Variants in CHST9 observed in about 807,000 individuals in gnomAD.
CHST9 encodes carbohydrate sulfotransferase 9.
Under a neutral mutation model 44.4 loss-of-function variants are expected in CHST9, and 41 were observed. The observed-to-expected ratio is 0.92, with a 90% CI of 0.72 to 1.20. CHST9 has a LOEUF of 1.20. CHST9 is among the 50% of genes most tolerant of loss of function. The probability of loss-of-function intolerance (pLI) is 0.00; values close to 1 mark genes in which losing one functional copy is unlikely to be tolerated. For missense variants in CHST9, 504 were observed against 516.5 expected, an observed-to-expected ratio of 0.98 and a Z score of 0.23; for synonymous variants, 171 against 178.4, an observed-to-expected ratio of 0.96 and a Z score of 0.33.
chr18:27,124,793 T>C (rs9951527), intron 2 of CHST9, among the ~76,000 whole-genome samples: 1,606 of 152,296 alleles, frequency 0.011, 23 homozygotes, highest in African/African-American at 0.033. Flanking sequence ...TTGAATTGCT[T>C]CTGGGATGGG....
intron 4 of CHST9, among the ~76,000 whole-genome samples, chr18:26,991,407 A>T (rs748670270): frequency 2.0e-5 from 3 of 152,242 alleles, no homozygotes; most frequent in Non-Finnish European, 4.4e-5. Flanking sequence ...GACTCATGGG[A>T]AGAAAACTGA....
intron 1 of CHST9, among the ~76,000 whole-genome samples, chr18:27,161,021 C>T (rs949707798): frequency 3.9e-5 from 6 of 151,902 alleles, no homozygotes; most frequent in African/African-American, 1.5e-4. Flanking sequence ...ATTAGTCTTG[C>T]TAGCCGTCTA....
chr18:26,932,062 T>C (rs914786675), intron 5 of CHST9, among the ~76,000 whole-genome samples: 6 of 152,188 alleles, frequency 3.9e-5, no homozygotes, highest in Admixed American at 1.3e-4. Flanking sequence ...TAGCCAAATG[T>C]GCCGGAGTCA....
chr18:26,996,320 T>C (rs2056887534), intron 4 of CHST9, among the ~76,000 whole-genome samples: 1 of 152,200 alleles, frequency 6.6e-6, no homozygotes, highest in African/African-American at 2.4e-5. Context: ...TTTTGTCCCC[T>C]CCAAATCCCA....
chr18:26,949,805 T>A (rs1229856027), intron 4 of CHST9, among the ~76,000 whole-genome samples: 1 of 152,112 alleles, frequency 6.6e-6, no homozygotes, highest in Admixed American at 6.6e-5. Flanking sequence ...AGAGTCCTTA[T>A]AATAAAGGGG....
intron 3 of CHST9, among the ~76,000 whole-genome samples, chr18:27,033,730 C>T (rs2057364071): frequency 6.6e-6 from 1 of 152,096 alleles, no homozygotes; most frequent in Non-Finnish European, 1.5e-5. Context: ...ACTGGTGACT[C>T]CTAAATTTCT....
At chr18:27,029,550 T>C (rs1424253221) in intron 3 of CHST9, among the ~76,000 whole-genome samples, 1 of 152,040 alleles carries the variant, frequency 6.6e-6, no homozygotes, top group East Asian at 1.9e-4. Flanking sequence ...GGCAGATTGG[T>C]TCTGGGGCAC....
intron 4 of CHST9, among the ~76,000 whole-genome samples, chr18:26,955,017 G>C (rs148445573): frequency 6.6e-6 from 1 of 152,048 alleles, no homozygotes; most frequent in Non-Finnish European, 1.5e-5. Context: ...GAGGGCAGCT[G>C]CTCCTGGCCC....
intron 2 of CHST9, among the ~76,000 whole-genome samples, chr18:27,051,637 C>T (rs1261712793): frequency 6.6e-6 from 1 of 152,118 alleles, no homozygotes; most frequent in East Asian, 1.9e-4. Flanking sequence ...CATTTACCAG[C>T]CCCAGTCAAG....
intron 2 of CHST9, among the ~76,000 whole-genome samples, chr18:27,060,573 A>C (rs2057710187): frequency 1.3e-5 from 2 of 152,152 alleles, no homozygotes; most frequent in South Asian, 4.1e-4. Context: ...AGATTTGCAC[A>C]AGACTAAGAA....
At chr18:27,139,184 T>C (rs2058542854) in intron 2 of CHST9, among the ~76,000 whole-genome samples, 1 of 152,128 alleles carries the variant, frequency 6.6e-6, no homozygotes, top group South Asian at 2.1e-4. Context: ...AAATAGTCCA[T>C]ATCTTAGATT....
chr18:26,977,052 G>A (rs1289111395), intron 4 of CHST9, among the ~76,000 whole-genome samples: 2 of 150,730 alleles, frequency 1.3e-5, no homozygotes, highest in African/African-American at 2.4e-5. Flanking sequence ...TGGAATGGGA[G>A]CATCCTTCAT....
At chr18:27,063,275 CAT>C (rs1198847613) in intron 2 of CHST9, among the ~76,000 whole-genome samples, 1 of 152,148 alleles carries the variant, frequency 6.6e-6, no homozygotes, top group Non-Finnish European at 1.5e-5. Flanking sequence ...TATGCTCCCT[CAT>C]ATATTTGTGA....
At position 27,058,208 on chromosome 18, in the gene CHST9, T is replaced by C. The variant is rs564642324; in HGVS notation, c.122-9705A>G. On this transcript the variant is annotated intron_variant, in intron 2 of 5. Transcript: ENST00000618847. ...ACTAAAGGAGGGATGTGAGCATTTG[T>C]ACTTTCCTCTGAGCATTGAACGTGT... 1.1e-4 allele frequency among the ~76,000 whole-genome samples: 16 copies of C among 152,364 alleles called. No homozygotes were observed. In the East Asian group the frequency reaches 2.9e-3, roughly 28 times the overall value.
chr18:27,009,844 T>G (rs1420886295), intron 4 of CHST9, among the ~76,000 whole-genome samples: 1 of 152,242 alleles, frequency 6.6e-6, no homozygotes, highest in Non-Finnish European at 1.5e-5. Context: ...TTTCTTTTCT[T>G]CTGCTTTTAC....
chr18:27,108,121 T>C (rs145831499), intron 2 of CHST9, among the ~76,000 whole-genome samples: 1 of 152,224 alleles, frequency 6.6e-6, no homozygotes, highest in East Asian at 1.9e-4. Flanking sequence ...TGTTGACCTA[T>C]TCTACTTGTT....
chr18:27,045,929 A>G (rs975225308), intron 3 of CHST9, among the ~76,000 whole-genome samples: 1 of 152,100 alleles, frequency 6.6e-6, no homozygotes, highest in Non-Finnish European at 1.5e-5. Flanking sequence ...AACTCAGTCG[A>G]AACTAAATTA....
chr18:27,132,273 C>A (rs16943322), intron 2 of CHST9, among the ~76,000 whole-genome samples: 12,982 of 152,236 alleles, frequency 0.085, 583 homozygotes, highest in South Asian at 0.14. Flanking sequence ...CTTTTCTTCA[C>A]AACATGTCAG....
At chr18:27,075,412 A>G (rs1175630435) in intron 2 of CHST9, among the ~76,000 whole-genome samples, 1 of 152,186 alleles carries the variant, frequency 6.6e-6, no homozygotes, top group African/African-American at 2.4e-5. Flanking sequence ...GAAAAATAAA[A>G]CAAATTCTAG....
Sources: gnomAD v4.1 joint callset for allele counts (sites outside exome capture counted in the v4.1 genomes callset) on GRCh38, gnomAD v4.1.1 for gene constraint, MANE v1.5 for transcripts, NCBI Gene and HGNC (gene_info 2026-07-23, HGNC 2026-07-21) for gene names.